SHCBP1L: variants seen among roughly 807,000 people sequenced by gnomAD.
The protein encoded by SHCBP1L is SHC binding and spindle associated 1 like, also known as testicular spindle-associated protein SHCBP1L.
A neutral mutation model predicts 62.5 loss-of-function variants in SHCBP1L; 67 were observed. The observed-to-expected ratio is 1.07, with a 90% CI of 0.88 to 1.31. SHCBP1L has a LOEUF of 1.31. SHCBP1L is among the 40% of genes most tolerant of loss of function. SHCBP1L has a pLI of 0.00. For synonymous variants in SHCBP1L, 284 were observed against 289.4 expected (o/e 0.98, Z 0.19); for missense variants, 823 against 809.8 (o/e 1.02, Z -0.20).
At chr1:182,951,211 TA>T (rs57065175) in intron 2 of SHCBP1L, 106 bp downstream of exon 2, 116,437 of 888,848 alleles carry the variant, frequency 0.13, 14,272 homozygotes, top group African/African-American at 0.56. Flanking sequence ...AAAACAGAAG[TA>T]AAAATGTGTC....
chr1:182,950,474 A>G (rs2101962079), intron 2 of SHCBP1L: 1 of 152,080 alleles, frequency 6.6e-6, no homozygotes, highest in South Asian at 2.1e-4. Context: ...AAAGATCACA[A>G]GGTTAGGAGT....
At chr1:182,944,499 G>T (rs1651486417) in intron 2 of SHCBP1L, 1 of 143,932 alleles carries the variant, frequency 6.9e-6, no homozygotes, top group Admixed American at 7.0e-5. Context: ...ATGATACTCA[G>T]TCTCAAAAAA....
intron 6 of SHCBP1L, among the ~76,000 whole-genome samples, chr1:182,924,782 AAGAAAGAG>A (rs1650653028): frequency 3.0e-5 from 3 of 101,312 alleles, no homozygotes; most frequent in South Asian, 3.6e-4. Context: ...GAAAGAAAGA[AAGAAAGAG>A]AGAAAGAAAG....
At chr1:182,909,018 C>T (rs1426729220) in intron 6 of SHCBP1L, among the ~76,000 whole-genome samples, 2 of 152,150 alleles carry the variant, frequency 1.3e-5, no homozygotes, top group African/African-American at 4.8e-5. Context: ...CTTACTAAAT[C>T]AGCAACCTAC....
intron 5 of SHCBP1L, 110 bp from the exon 6 acceptor site, chr1:182,929,862 C>A: frequency 1.4e-6 from 1 of 699,478 alleles, no homozygotes; most frequent in Non-Finnish European, 2.3e-6. Context: ...ATGTTTTCAT[C>A]AATTATAAGT....
At chr1:182,903,797 A>G (rs892457590) in intron 8 of SHCBP1L, among the ~76,000 whole-genome samples, 11 of 152,116 alleles carry the variant, frequency 7.2e-5, no homozygotes, top group African/African-American at 2.2e-4. Flanking sequence ...CTTGGCCTCA[A>G]GTTTTTTATG....
chr1:182,922,915 T>G (rs1217351969), intron 6 of SHCBP1L, among the ~76,000 whole-genome samples: 1 of 152,126 alleles, frequency 6.6e-6, no homozygotes, highest in African/African-American at 2.4e-5. Context: ...TGGAACTGAA[T>G]GAATTTGAGA....
chr1:182,935,224 A>G (rs1220834648), intron 5 of SHCBP1L, among the ~76,000 whole-genome samples: 2 of 152,140 alleles, frequency 1.3e-5, no homozygotes, highest in Admixed American at 1.3e-4. Context: ...ATATTTTGCT[A>G]TGAATTTCAC....
chr1:182,905,620 G>A lies in SHCBP1L; in HGVS notation c.1212C>T (p.Leu404=). 6.2e-7 allele frequency: 1 copy of A among 1,613,558 alleles called. No homozygotes were observed. Among genetic ancestry groups the A allele is most frequent in the Non-Finnish European group, 8.5e-7 (1 of 1,179,766 alleles). Residue 404 remains leucine (L), a synonymous_variant, in exon 7 of 10, where the codon CTC becomes CTT. Coordinates refer to ENST00000367547, the MANE Select transcript of SHCBP1L (RefSeq NM_030933.4). The part of the protein sequence containing the change: ...MIKDLSSDTL[L]QQHGDLDLAL... ...CCAAATCCAAATCACCATGCTGTTG[G>A]AGAAGTGTGTCTGAAGATAAATCCT...
At chr1:182,910,029 TA>T (rs1161973439) in intron 6 of SHCBP1L, among the ~76,000 whole-genome samples, 6 of 152,280 alleles carry the variant, frequency 3.9e-5, no homozygotes, top group African/African-American at 1.4e-4. Context: ...TTTTGCTATT[TA>T]AAATAGAACA....
intron 2 of SHCBP1L, among the ~76,000 whole-genome samples, chr1:182,947,200 G>A (rs373669931): frequency 6.9e-6 from 1 of 143,904 alleles, no homozygotes; most frequent in Non-Finnish European, 1.5e-5. Flanking sequence ...TCGCGCCATG[G>A]TACTCCAGCC....
chr1:182,908,771 A>G (rs1192580204), intron 6 of SHCBP1L, among the ~76,000 whole-genome samples: 1 of 152,214 alleles, frequency 6.6e-6, no homozygotes, highest in Non-Finnish European at 1.5e-5. Flanking sequence ...AGGTATAAAC[A>G]TTTTAAGACT....
rs761156475 is a variant in SHCBP1L at position 182,904,144 on chromosome 1, G to A, written c.1587+36C>T. On this transcript the variant is annotated intron_variant, in intron 8 of 9. Transcript: ENST00000367547. ...AGATCACTCAAAGCTGTCATCTATA[G>A]TCATATAAGGCCATACTTTTTAAAG... 3.2e-5 allele frequency: 51 copies of A among 1,602,660 alleles called. No individual in the cohort carries two copies. In the Admixed American group the frequency reaches 5.5e-4, roughly 17 times the overall value.
In SHCBP1L at chr1:182,924,929, AG is replaced by A. The variant is rs1438981574; in HGVS notation, c.1182+4717del. ...AGAAAGAAAGGAAAGGAAGGAAGGA[AG>A]GAAGGAAGAAAGAAAGAAAGAAAGA... On this transcript the variant is annotated intron_variant, in intron 6 of 9. Transcript: ENST00000367547. 1.5e-3 allele frequency among the ~76,000 whole-genome samples: 182 copies of A among 117,664 alleles called. 1 individual carries two copies. The highest frequency in any genetic ancestry group is 3.0e-3 in the Admixed American group (36 of 11,950). 77.2% of individuals were successfully genotyped at this position (117,664 alleles called of 152,430 possible).
chr1:182,900,353 A>T, intron 9 of SHCBP1L, 119 bp from the exon 10 acceptor site: 3 of 817,254 alleles, frequency 3.7e-6, no homozygotes, highest in Non-Finnish European at 5.3e-6. Context: ...TAAAACAACC[A>T]AGACTCTCAA....
At chr1:182,951,534 T>G in intron 1 of SHCBP1L, 67 bp from the exon 2 acceptor site, 1 of 1,126,414 alleles carries the variant, frequency 8.9e-7, no homozygotes, top group East Asian at 2.8e-5. Context: ...TAAGTGGTTT[T>G]TTTTTTTTTT....
In SHCBP1L at chr1:182,939,545, T is replaced by TA. The variant is rs768240806; in HGVS notation, c.778dup (p.Tyr260LeufsTer2). 13 of 1,599,726 alleles carry TA rather than the reference T, an allele frequency of 8.1e-6. No individual in the cohort carries two copies. Among genetic ancestry groups the TA allele is most frequent in the East Asian group, 6.7e-5 (3 of 44,548 alleles). On this transcript the variant is annotated frameshift_variant, in exon 4 of 10. Coordinates refer to ENST00000367547, the MANE Select transcript of SHCBP1L (RefSeq NM_030933.4). LOFTEE classifies it high-confidence loss of function. ...ATCCCAGTCTCTCCAAAGAAAGTCA[T>TA]AAAAAAACCTACGATAAACCAAATT...
intron 5 of SHCBP1L, among the ~76,000 whole-genome samples, chr1:182,931,457 T>A (rs934136060): frequency 2.0e-5 from 3 of 152,212 alleles, no homozygotes; most frequent in African/African-American, 4.8e-5. Context: ...CAAATGTATA[T>A]ATGTTTTTAA....
chr1:182,926,936 T>C (rs1406099661), intron 6 of SHCBP1L, among the ~76,000 whole-genome samples: 1 of 151,236 alleles, frequency 6.6e-6, no homozygotes, highest in African/African-American at 2.4e-5. Context: ...ATTTTACATA[T>C]GAGAAACTAA....
Sources: allele counts gnomAD v4.1 joint callset (sites outside exome capture counted in the v4.1 genomes callset), GRCh38; gene constraint gnomAD v4.1.1; transcripts MANE v1.5; gene names NCBI Gene and HGNC (gene_info 2026-07-23, HGNC 2026-07-21).